PCDHGA7: variants seen among roughly 807,000 people sequenced by gnomAD.
PCDHGA7 encodes protocadherin gamma subfamily A, 7.
Under a neutral mutation model 58.3 loss-of-function variants are expected in PCDHGA7, and 44 were observed. The ratio of observed to expected loss-of-function variants is 0.75; its 90% CI spans 0.59 to 0.97. The LOEUF (loss-of-function observed/expected upper bound fraction) is 0.97, where lower values mean the gene tolerates loss of function less well. Among genes scored for constraint, PCDHGA7 ranks in the 50% least tolerant of loss-of-function variants. PCDHGA7 has a pLI of 0.00. For missense variants in PCDHGA7, 1,266 were observed against 1,188.7 expected (o/e 1.06, Z -0.96); for synonymous variants, 516 against 504.2 (o/e 1.02, Z -0.31).
chr5:141,470,369 T>C (rs751264270), intron 1 of PCDHGA7, among the ~76,000 whole-genome samples: 2 of 152,226 alleles, frequency 1.3e-5, no homozygotes, highest in Non-Finnish European at 1.5e-5. Context: ...TTAGGTTGAA[T>C]GGAAAGACTA....
At chr5:141,421,870 G>A in intron 1 of PCDHGA7, 1 of 1,613,758 alleles carries the variant, frequency 6.2e-7, no homozygotes, top group Non-Finnish European at 8.5e-7. Flanking sequence ...CCTCCTCACA[G>A]CTTTAGATGG....
Position 141,476,021 on chromosome 5 carries a change from C to T in PCDHGA7, c.2425-18786C>T. The T allele has an allele frequency of 7.1e-7, 1 of 1,400,498 alleles. No individual in the cohort carries two copies. The highest frequency in any genetic ancestry group is 1.4e-5 in the South Asian group (1 of 71,458). 86.8% of individuals were successfully genotyped at this position (1,400,498 alleles called of 1,614,324 possible). A position where few individuals can be genotyped will look rare whatever the true frequency, so the allele number is the denominator to read the frequency against. ...GGCATCCAGAAAGCCATGTCGGACT[C>T]GGCGCCCAGCGCCCAAGCGCTAACC... On this transcript the variant is annotated intron_variant, in intron 1 of 3. Coordinates refer to ENST00000518325, the MANE Select transcript of PCDHGA7 (RefSeq NM_018920.4). This position sits in a 1 kb window ranked among gnomAD's most constrained non-coding sequence, Gnocchi z 7.6.
chr5:141,451,606 G>A (rs2098720118), intron 1 of PCDHGA7, among the ~76,000 whole-genome samples: 1 of 152,152 alleles, frequency 6.6e-6, no homozygotes, highest in Admixed American at 6.5e-5. Flanking sequence ...ACAAGGCTAG[G>A]CATGGTGGCT....
intron 1 of PCDHGA7, among the ~76,000 whole-genome samples, chr5:141,465,048 AT>A (rs905091014): frequency 4.0e-5 from 6 of 151,346 alleles, no homozygotes; most frequent in African/African-American, 9.7e-5. Context: ...GACCCTATAT[AT>A]TTTTTTGAAT....
chr5:141,389,541 C>A, intron 1 of PCDHGA7: 2 of 1,613,242 alleles, frequency 1.2e-6, no homozygotes, highest in Non-Finnish European at 1.7e-6. Context: ...AGTGGACGAC[C>A]GCAACGACAA....
chr5:141,489,246 G>A lies in PCDHGA7; in HGVS notation c.2425-5561G>A, dbSNP rs141115698. On this transcript the variant is annotated intron_variant, in intron 1 of 3. Coordinates refer to ENST00000518325, the MANE Select transcript of PCDHGA7 (RefSeq NM_018920.4). The surrounding 1 kb of genome is among the most constrained non-coding windows in gnomAD (Gnocchi z 4.5). Reference sequence around the variant, plus strand: ...CACAAAGGGACTTCTGGGTCATGGGGCCCAAGACACTCCCACAGCTCGCTG... The same window carrying A: ...CACAAAGGGACTTCTGGGTCATGGGACCCAAGACACTCCCACAGCTCGCTG... 750 of 1,544,746 alleles carry A rather than the reference G, an allele frequency of 4.9e-4. No homozygotes were observed. The highest frequency in any genetic ancestry group is 6.3e-4 in the Non-Finnish European group (726 of 1,145,538).
rs1182148013 is a variant in PCDHGA7 at position 141,431,510 on chromosome 5, G to A, written c.2424+46187G>A. 2 of 1,613,904 alleles carry A rather than the reference G, an allele frequency of 1.2e-6. No individual in the cohort carries two copies. Among genetic ancestry groups the A allele is most frequent in the Admixed American group, 1.7e-5 (1 of 60,016 alleles). Reference sequence around the variant, plus strand: ...TGCTCAGCCCGAGTACCGCGCGAGCGTTCCGGAGAATCTGGCCTTGGGCAC... The same window carrying A: ...TGCTCAGCCCGAGTACCGCGCGAGCATTCCGGAGAATCTGGCCTTGGGCAC... On this transcript the variant is annotated intron_variant, in intron 1 of 3. Coordinates refer to ENST00000518325, the MANE Select transcript of PCDHGA7 (RefSeq NM_018920.4). The surrounding 1 kb of genome is among the most constrained non-coding windows in gnomAD (Gnocchi z 4.8).
At chr5:141,509,143 C>T (rs1022878562) in intron 3 of PCDHGA7, among the ~76,000 whole-genome samples, 9 of 152,138 alleles carry the variant, frequency 5.9e-5, no homozygotes, top group Non-Finnish European at 1.0e-4. Flanking sequence ...AGGCGCATCC[C>T]GGCTCTCCCC....
intron 1 of PCDHGA7, chr5:141,404,534 T>A: frequency 6.2e-7 from 1 of 1,613,954 alleles, no homozygotes; most frequent in Non-Finnish European, 8.5e-7. Context: ...GTTTAGAGAT[T>A]TGCAAATGCA....
chr5:141,400,579 A>G (rs748573702), intron 1 of PCDHGA7: 2 of 1,610,854 alleles, frequency 1.2e-6, no homozygotes, highest in Non-Finnish European at 1.7e-6. Flanking sequence ...TTCTGTATTT[A>G]CATGAAACTA....
intron 1 of PCDHGA7, chr5:141,392,278 G>C (rs2092498621): frequency 6.6e-6 from 1 of 152,148 alleles, no homozygotes; most frequent in Non-Finnish European, 1.5e-5. Flanking sequence ...ATAAAGCTTA[G>C]AGCACAATGG....
intron 1 of PCDHGA7, chr5:141,418,503 T>G (rs2096264259): frequency 6.2e-7 from 1 of 1,613,828 alleles, no homozygotes. Flanking sequence ...CTGACCGCCT[T>G]AGATGGTGGG....
In PCDHGA7 at chr5:141,477,787, C is replaced by A; in HGVS notation, c.2425-17020C>A. The stretch of plus-strand genomic sequence containing the variant: ...CCAACATCAGCGTGAACATATTTGT[C>A]ACTGATCGCAATGACAATGCCCCCC... On this transcript the variant is annotated intron_variant, in intron 1 of 3. Transcript: ENST00000518325. The surrounding 1 kb of genome is among the most constrained non-coding windows in gnomAD (Gnocchi z 4.9). The A allele has an allele frequency of 6.2e-7, 1 of 1,614,092 alleles. No homozygotes were observed. The highest frequency in any genetic ancestry group is 8.5e-7 in the Non-Finnish European group (1 of 1,180,034).
intron 1 of PCDHGA7, chr5:141,440,430 G>A (rs965990102): frequency 6.6e-6 from 1 of 152,196 alleles, no homozygotes; most frequent in African/African-American, 2.4e-5. Flanking sequence ...CTGGGTGACA[G>A]AGCAAGGCGC....
At chr5:141,438,710 G>C (rs568772648) in intron 1 of PCDHGA7, among the ~76,000 whole-genome samples, 2 of 147,308 alleles carry the variant, frequency 1.4e-5, no homozygotes, top group South Asian at 4.3e-4. Context: ...ACCCAGGCTG[G>C]AGTGCAAGTG....
chr5:141,399,112 G>A, intron 1 of PCDHGA7: 1 of 1,613,794 alleles, frequency 6.2e-7, no homozygotes, highest in African/African-American at 1.3e-5. Context: ...ACAATGTACA[G>A]TTGAAATTAA....
chr5:141,385,068 C>G lies in PCDHGA7; in HGVS notation c.2169C>G (p.Arg723=). 6.2e-7 allele frequency: 1 copy of G among 1,614,206 alleles called. No individual in the cohort carries two copies. Among genetic ancestry groups the G allele is most frequent in the South Asian group, 1.1e-5 (1 of 91,090 alleles). The change falls in exon 1 of 4, where the codon CGC becomes CGG. Residue 723 remains arginine (R), a synonymous_variant. Coordinates refer to ENST00000518325, the MANE Select transcript of PCDHGA7 (RefSeq NM_018920.4). ...ALRLRRWHKS[R]LLQASEGGLA... ...GGCTGCGGCGCTGGCACAAGTCACG[C>G]CTGCTGCAGGCTTCAGAAGGTGGCT...
chr5:141,492,037 C>A (rs556842734), intron 1 of PCDHGA7: 94 of 538,798 alleles, frequency 1.7e-4, no homozygotes, highest in Non-Finnish European at 2.5e-4. Flanking sequence ...AGGAGGCAGT[C>A]ACAGATCCAC....
At chr5:141,494,188 T>C (rs2099752632) in intron 1 of PCDHGA7, among the ~76,000 whole-genome samples, 1 of 152,186 alleles carries the variant, frequency 6.6e-6, no homozygotes, top group South Asian at 2.1e-4. Flanking sequence ...GTCCCGGGAC[T>C]TGGATGCCCC....
Sources: gnomAD v4.1 joint callset for allele counts (sites outside exome capture counted in the v4.1 genomes callset) on GRCh38, gnomAD v4.1.1 for gene constraint, Gnocchi (gnomAD v3.1) non-coding constraint, MANE v1.5 for transcripts, NCBI Gene and HGNC (gene_info 2026-07-23, HGNC 2026-07-21) for gene names.